Variants in SPICE1 observed in about 807,000 individuals in gnomAD.
SPICE1 encodes spindle and centriole associated protein 1, also known as spindle and centriole-associated protein 1.
SPICE1 carries 75 observed loss-of-function variants against 102.7 expected under a neutral mutation model. That is an observed-to-expected ratio of 0.73 (90% CI 0.61 to 0.88). SPICE1 has a LOEUF of 0.88. Among genes scored for constraint, SPICE1 ranks in the 40% least tolerant of loss-of-function variants. The probability of loss-of-function intolerance (pLI) is 0.00; values close to 1 mark genes in which losing one functional copy is unlikely to be tolerated. For missense variants in SPICE1, 979 were observed against 1,020.1 expected (o/e 0.96, Z 0.55); for synonymous variants, 308 against 350.3 (o/e 0.88, Z 1.35).
At chr3:113,496,059 C>CTTTTTTTTTTTTTTTT (rs10557473) in intron 4 of SPICE1, among the ~76,000 whole-genome samples, 1 of 82,922 alleles carries the variant, frequency 1.2e-5, no homozygotes, top group African/African-American at 4.9e-5. Context: ...TTTTTTACAA[C>CTTTTTTTTTTTTTTTT]TTTTTTTTTT....
chr3:113,475,304 T>G (rs983751774), intron 7 of SPICE1, among the ~76,000 whole-genome samples: 2 of 152,020 alleles, frequency 1.3e-5, no homozygotes, highest in Non-Finnish European at 2.9e-5. Flanking sequence ...AGCTTACCAA[T>G]CAAAAAGAGT....
Position 113,446,696 on chromosome 3 carries a change from C to T in SPICE1, c.2427-20G>A. The T allele has an allele frequency of 6.3e-7, 1 of 1,578,648 alleles. No homozygotes were observed. Among genetic ancestry groups the T allele is most frequent in the Non-Finnish European group, 8.7e-7 (1 of 1,149,718 alleles). The stretch of plus-strand genomic sequence containing the variant: ...GAAGATCTATTCATGAAAAATAAAA[C>T]AGAGTAAGAGAGTGAGCTATCATTA... On this transcript the variant is annotated intron_variant, in intron 16 of 17. Coordinates refer to ENST00000295872, the MANE Select transcript of SPICE1 (RefSeq NM_144718.4).
Position 113,450,510 on chromosome 3 carries a change from GA to G in SPICE1, c.2148del (p.Pro717GlnfsTer2). On this transcript the variant is annotated frameshift_variant, in exon 15 of 18. Coordinates refer to ENST00000295872, the MANE Select transcript of SPICE1 (RefSeq NM_144718.4). LOFTEE classifies it high-confidence loss of function. ...QESASDMTST[F>X]PVAQSLTPGS... ...CCTGGTGTTAGAGACTGTGCTACTG[GA>G]AAAGTCTTTGGGAGAAAAAAAAAAA... 2 of 1,565,478 alleles carry G rather than the reference GA, an allele frequency of 1.3e-6. No individual in the cohort carries two copies. Among genetic ancestry groups the G allele is most frequent in the South Asian group, 1.2e-5 (1 of 84,482 alleles).
intron 17 of SPICE1, 116 bp downstream of exon 17, chr3:113,446,473 G>T: frequency 1.3e-6 from 1 of 787,756 alleles, no homozygotes; most frequent in Non-Finnish European, 2.1e-6. Flanking sequence ...TTTCTTTTAA[G>T]AATATCATAC....
At chr3:113,470,195 T>G (rs546015203) in intron 7 of SPICE1, among the ~76,000 whole-genome samples, 205 of 152,298 alleles carry the variant, frequency 1.3e-3, no homozygotes, top group African/African-American at 4.5e-3. Flanking sequence ...AACAAAGAGA[T>G]AAATGGTGGG....
At chr3:113,472,874 A>G (rs1936241094) in intron 7 of SPICE1, among the ~76,000 whole-genome samples, 1 of 152,212 alleles carries the variant, frequency 6.6e-6, no homozygotes, top group South Asian at 2.1e-4. Context: ...TAAAAAGCAG[A>G]GCACCTCTCC....
intron 7 of SPICE1, among the ~76,000 whole-genome samples, chr3:113,477,449 G>A (rs1189175380): frequency 2.0e-5 from 3 of 151,102 alleles, no homozygotes; most frequent in African/African-American, 7.3e-5. Flanking sequence ...TATACCCAGA[G>A]GACTATAAAT....
intron 7 of SPICE1, among the ~76,000 whole-genome samples, chr3:113,488,061 A>C (rs1269121212): frequency 6.6e-6 from 1 of 152,224 alleles, no homozygotes; most frequent in African/African-American, 2.4e-5. Flanking sequence ...AACTAAATAT[A>C]ATAAGTGATT....
Position 113,445,273 on chromosome 3 carries a change from T to C in SPICE1, c.*34A>G, listed in dbSNP as rs752723486. 8 of 1,574,916 alleles carry C rather than the reference T, an allele frequency of 5.1e-6. No individual in the cohort carries two copies. In the African/African-American group the frequency reaches 1.1e-4, roughly 21 times the overall value. On this transcript the variant is annotated 3_prime_UTR_variant, in exon 18 of 18. Transcript: ENST00000295872. The stretch of plus-strand genomic sequence containing the variant: ...GAGCAGGGAAAGGGAAGTAATAAAT[T>C]ATTAAGAACAAACTCAGTGAGACTT...
In SPICE1 at chr3:113,488,826, A is replaced by G; in HGVS notation, c.611+119T>C. On this transcript the variant is annotated intron_variant, in intron 7 of 17. Coordinates refer to ENST00000295872, the MANE Select transcript of SPICE1 (RefSeq NM_144718.4). ...GCAAATTATTTGGAAATACCAAAAT[A>G]AACAAATTTTTAAATAAAAATAAAC... 3 of 638,408 alleles carry G rather than the reference A, an allele frequency of 4.7e-6. No individual in the cohort carries two copies. In the South Asian group the frequency reaches 6.9e-5, roughly 15 times the overall value. 39.5% of individuals were successfully genotyped at this position (638,408 alleles called of 1,614,324 possible).
intron 4 of SPICE1, among the ~76,000 whole-genome samples, chr3:113,498,605 G>A (rs1936946681): frequency 6.6e-6 from 1 of 152,176 alleles, no homozygotes; most frequent in African/African-American, 2.4e-5. Flanking sequence ...ATTTATTTGG[G>A]AGATATTATT....
intron 14 of SPICE1, among the ~76,000 whole-genome samples, chr3:113,450,729 A>G (rs1006855153): frequency 2.6e-5 from 4 of 151,950 alleles, no homozygotes; most frequent in Admixed American, 6.6e-5. Flanking sequence ...GGCACCTGCC[A>G]CCACGCCCAG....
At chr3:113,480,912 TAAAG>T (rs1553768641) in intron 7 of SPICE1, among the ~76,000 whole-genome samples, 4 of 106,412 alleles carry the variant, frequency 3.8e-5, no homozygotes, top group African/African-American at 8.6e-5. Context: ...TTTAAAAATT[TAAAG>T]AAAGAAAGAA....
rs749000023 is a variant in SPICE1 at position 113,499,541 on chromosome 3, T to C, written c.189A>G (p.Leu63=). 4 of 1,612,848 alleles carry C rather than the reference T, an allele frequency of 2.5e-6. No individual in the cohort carries two copies. Among genetic ancestry groups the C allele is most frequent in the East Asian group, 2.2e-5 (1 of 44,824 alleles). The change falls in exon 4 of 18, where the codon TTA becomes TTG. Residue 63 remains leucine, a synonymous_variant. Coordinates refer to ENST00000295872, the MANE Select transcript of SPICE1 (RefSeq NM_144718.4). ...HEIHKSKNRA[L]VHWELQEKAL... Reference sequence around the variant, plus strand: ...CTTTTTCTTGGAGTTCCCAGTGTACTAATGCTCTATTCTTCGATTTGTGTA... The same window carrying C: ...CTTTTTCTTGGAGTTCCCAGTGTACCAATGCTCTATTCTTCGATTTGTGTA...
chr3:113,474,768 C>T (rs2107472706), intron 7 of SPICE1, among the ~76,000 whole-genome samples: 1 of 152,118 alleles, frequency 6.6e-6, no homozygotes, highest in South Asian at 2.1e-4. Context: ...ATACCAGAAT[C>T]TCTGGGACAC....
At chr3:113,503,994 A>C (rs962088517) in intron 2 of SPICE1, among the ~76,000 whole-genome samples, 10 of 152,122 alleles carry the variant, frequency 6.6e-5, no homozygotes, top group East Asian at 5.8e-4. Flanking sequence ...TTGTGTCTGC[A>C]AACATCTTAA....
At chr3:113,481,687 G>C (rs1029432385) in intron 7 of SPICE1, among the ~76,000 whole-genome samples, 1 of 151,784 alleles carries the variant, frequency 6.6e-6, no homozygotes, top group African/African-American at 2.4e-5. Context: ...CTGTTCTTAT[G>C]TTAGTTTGCT....
intron 7 of SPICE1, among the ~76,000 whole-genome samples, chr3:113,480,652 C>T (rs560421150): frequency 6.6e-6 from 1 of 152,006 alleles, no homozygotes; most frequent in African/African-American, 2.4e-5. Flanking sequence ...ATAAAATTAA[C>T]ACTTATTACT....
At chr3:113,479,488 C>A (rs963922584) in intron 7 of SPICE1, among the ~76,000 whole-genome samples, 9 of 151,932 alleles carry the variant, frequency 5.9e-5, no homozygotes, top group African/African-American at 9.7e-5. Flanking sequence ...TGGGTATATA[C>A]CCAGTAATGG....
Sources: allele counts gnomAD v4.1 joint callset (sites outside exome capture counted in the v4.1 genomes callset), GRCh38; gene constraint gnomAD v4.1.1; transcripts MANE v1.5; gene names NCBI Gene and HGNC (gene_info 2026-07-23, HGNC 2026-07-21).